The following EYS variants were observed in gnomAD, a reference collection of about 807,000 sequenced individuals.
EYS encodes protein eyes shut homolog.
A neutral mutation model predicts 282.1 loss-of-function variants in EYS; 250 were observed. The observed-to-expected ratio is 0.89, with a 90% CI of 0.80 to 0.98. EYS has a LOEUF of 0.98. EYS is among the 50% of genes least tolerant of loss of function. The pLI is 0.00. For synonymous variants in EYS, 1,355 were observed against 1,282.9 expected (o/e 1.06, Z -1.20); for missense variants, 4,016 against 3,709.0 (o/e 1.08, Z -2.15).
intron 14 of EYS, among the ~76,000 whole-genome samples, chr6:64,991,313 A>T (rs1238649760): frequency 1.3e-5 from 2 of 151,604 alleles, no homozygotes; most frequent in Non-Finnish European, 3.0e-5. Flanking sequence ...GCATGACCAA[A>T]AAACTTTATT....
intron 33 of EYS, among the ~76,000 whole-genome samples, chr6:64,020,410 A>G (rs1769132668): frequency 6.6e-6 from 1 of 152,206 alleles, no homozygotes; most frequent in African/African-American, 2.4e-5. Flanking sequence ...TTACATAAAC[A>G]TACACATTTG....
At chr6:64,440,324 C>A (rs1774897716) in intron 26 of EYS, among the ~76,000 whole-genome samples, 1 of 151,878 alleles carries the variant, frequency 6.6e-6, no homozygotes, top group African/African-American at 2.4e-5. Flanking sequence ...TTTAGAATTA[C>A]TCATTTTGCT....
chr6:64,394,071 C>T (rs1356223974), intron 28 of EYS, among the ~76,000 whole-genome samples: 1 of 152,030 alleles, frequency 6.6e-6, no homozygotes, highest in African/African-American at 2.4e-5. Context: ...ATCAAACTTA[C>T]AAGGGATGTG....
chr6:64,010,292 AGTG>A (rs752152732), intron 33 of EYS, among the ~76,000 whole-genome samples: 56 of 146,856 alleles, frequency 3.8e-4, no homozygotes, highest in Admixed American at 9.0e-4. Context: ...CTGCTCTGAC[AGTG>A]GTGGTGGTGT....
Position 64,868,376 on chromosome 6 carries a change from G to C in EYS, c.2992+18321C>G, listed in dbSNP as rs970549506. Among the ~76,000 whole-genome samples, 4 of 151,422 alleles carry C rather than the reference G, an allele frequency of 2.6e-5. No individual in the cohort carries two copies. The South Asian group carries it at 8.3e-4, about 31-fold the overall frequency. On this transcript the variant is annotated intron_variant, in intron 19 of 42. Coordinates refer to ENST00000503581, the MANE Select transcript of EYS (RefSeq NM_001142800.2). ...ATGCATGTTACAAAATATTAATGGA[G>C]AAAGCATGTAAAATGCCACTAAATG...
intron 24 of EYS, among the ~76,000 whole-genome samples, chr6:64,606,971 G>A (rs961171143): frequency 1.3e-5 from 2 of 151,866 alleles, no homozygotes; most frequent in Non-Finnish European, 2.9e-5. Flanking sequence ...TCCTTCCTAC[G>A]CATTAACTCT....
At chr6:65,668,156 T>C (rs1339218085) in intron 1 of EYS, among the ~76,000 whole-genome samples, 1 of 151,894 alleles carries the variant, frequency 6.6e-6, no homozygotes, top group Non-Finnish European at 1.5e-5. Flanking sequence ...CTTCCTGTTT[T>C]CTAATTAGGT....
chr6:64,891,847 C>A (rs1767301499), intron 18 of EYS, among the ~76,000 whole-genome samples: 1 of 151,616 alleles, frequency 6.6e-6, no homozygotes, highest in Admixed American at 6.6e-5. Context: ...ACAATTAAGA[C>A]CATGAAATAT....
intron 26 of EYS, among the ~76,000 whole-genome samples, chr6:64,466,096 G>T (rs994742824): frequency 1.3e-5 from 2 of 152,018 alleles, no homozygotes; most frequent in Non-Finnish European, 2.9e-5. Context: ...AAAGATGAAA[G>T]ATAACAAGTA....
intron 22 of EYS, among the ~76,000 whole-genome samples, chr6:64,727,350 TA>T (rs1344382204): frequency 2.6e-5 from 4 of 152,196 alleles, no homozygotes; most frequent in Non-Finnish European, 5.9e-5. Context: ...TTCTGGTACT[TA>T]AAAAATTTAT....
chr6:64,031,852 C>T (rs948872879), intron 33 of EYS, among the ~76,000 whole-genome samples: 5 of 152,174 alleles, frequency 3.3e-5, no homozygotes, highest in African/African-American at 1.2e-4. Flanking sequence ...CTCGGCTCTA[C>T]CAATCAGCAG....
intron 41 of EYS, among the ~76,000 whole-genome samples, chr6:63,733,092 G>T (rs746582550): frequency 1.3e-5 from 2 of 152,006 alleles, no homozygotes; most frequent in Non-Finnish European, 2.9e-5. Flanking sequence ...GGGTGATAGG[G>T]TTCCTACCAT....
At position 65,058,891 on chromosome 6, in the gene EYS, C is replaced by A. The variant is rs146774433; in HGVS notation, c.2024-1164G>T. On this transcript the variant is annotated intron_variant, in intron 12 of 42. Coordinates refer to ENST00000503581, the MANE Select transcript of EYS (RefSeq NM_001142800.2). ...ACATTGACACAATGCAAATTATTAG[C>A]AAATTATTTGAATGGAAACATTCCT... Among the ~76,000 whole-genome samples the A allele has an allele frequency of 3.2e-3, 480 of 152,008 alleles. 5 individuals carry two copies. The highest frequency in any genetic ancestry group is 0.011 in the African/African-American group (454 of 41,502).
chr6:64,741,771 C>A (rs1258817323), intron 22 of EYS, among the ~76,000 whole-genome samples: 1 of 152,176 alleles, frequency 6.6e-6, no homozygotes, highest in African/African-American at 2.4e-5. Flanking sequence ...TTTTCTTCTG[C>A]AGCTTCCTCA....
Position 65,378,911 on chromosome 6 carries a change from C to A in EYS, c.1299+5475G>T, listed in dbSNP as rs190735612. On this transcript the variant is annotated intron_variant, in intron 8 of 42. Transcript: ENST00000503581. ...GGGTGGGGGACTAGTGGAGGGATAA[C>A]ATTAGGAGAAATATATAATGTAGAT... 4.3e-3 allele frequency among the ~76,000 whole-genome samples: 655 copies of A among 152,040 alleles called. 7 individuals are homozygous for A. The highest frequency in any genetic ancestry group is 0.015 in the African/African-American group (618 of 41,480).
At chr6:64,576,535 C>T (rs1199749066) in intron 26 of EYS, among the ~76,000 whole-genome samples, 2 of 151,884 alleles carry the variant, frequency 1.3e-5, no homozygotes, top group African/African-American at 4.8e-5. Context: ...TTCACTTGTT[C>T]CCACTTAGAT....
At chr6:65,133,931 A>C (rs376251010) in intron 12 of EYS, among the ~76,000 whole-genome samples, 4 of 149,178 alleles carry the variant, frequency 2.7e-5, no homozygotes, top group South Asian at 4.2e-4. Flanking sequence ...AGAAAAAAAA[A>C]CCCACTAAAA....
At chr6:64,747,767 T>C (rs1414011675) in intron 22 of EYS, among the ~76,000 whole-genome samples, 1 of 152,178 alleles carries the variant, frequency 6.6e-6, no homozygotes, top group African/African-American at 2.4e-5. Flanking sequence ...CATTCAGGGA[T>C]TTACATTGAA....
At chr6:64,118,796 G>T (rs865828385) in intron 31 of EYS, among the ~76,000 whole-genome samples, 3 of 151,948 alleles carry the variant, frequency 2.0e-5, no homozygotes, top group Non-Finnish European at 4.4e-5. Flanking sequence ...CTGACAAGGG[G>T]TAATTATCCA....
Sources: allele counts gnomAD v4.1 joint callset (sites outside exome capture counted in the v4.1 genomes callset), GRCh38; gene constraint gnomAD v4.1.1; transcripts MANE v1.5; gene names NCBI Gene and HGNC (gene_info 2026-07-23, HGNC 2026-07-21).